The following MAMSTR variants were observed in gnomAD, a reference collection of about 807,000 sequenced individuals.
MAMSTR encodes the protein MEF2 activating motif and SAP domain containing transcriptional regulator.
A neutral mutation model predicts 42.7 loss-of-function variants in MAMSTR; 41 were observed. That is an observed-to-expected ratio of 0.96 (90% CI 0.75 to 1.25). The LOEUF is 1.25. MAMSTR is among the 50% of genes most tolerant of loss of function. The pLI, the probability that MAMSTR is intolerant of heterozygous loss-of-function variation, is 0.00. For missense variants in MAMSTR, 567 were observed against 557.6 expected, an observed-to-expected ratio of 1.02 and a Z score of -0.17; for synonymous variants, 265 against 244.1, an observed-to-expected ratio of 1.09 and a Z score of -0.80.
At chr19:48,714,263 T>A (rs281387) in intron 7 of MAMSTR, 103 bp downstream of exon 7, 2 of 1,065,630 alleles carry the variant, frequency 1.9e-6, no homozygotes, top group Admixed American at 3.7e-5. Context: ...TTCCTACCGC[T>A]GGTCCTCGCC....
At chr19:48,707,883 G>GAAAGAAAGA (rs1555755213), downstream of MAMSTR, among the ~76,000 whole-genome samples, 20 of 106,108 alleles carry the variant, frequency 1.9e-4, no homozygotes, top group South Asian at 4.1e-3. Context: ...AAGAAAGAAA[G>GAAAGAAAGA]AAAGAAAAGA....
chr19:48,718,007 A>AT (rs1277379856), intron 2 of MAMSTR, among the ~76,000 whole-genome samples: 3 of 152,000 alleles, frequency 2.0e-5, no homozygotes, highest in South Asian at 2.1e-4. Context: ...GCCCGGCGTC[A>AT]TTTTTTTGTA....
chr19:48,715,000 T>C, intron 5 of MAMSTR, 92 bp from the exon 6 acceptor site: 1 of 852,072 alleles, frequency 1.2e-6, no homozygotes. Flanking sequence ...CTGGGGAAGA[T>C]GCAGAAAAGT....
At position 48,713,038 on chromosome 19, in the gene MAMSTR, A is replaced by G. The variant is rs763864096; in HGVS notation, c.*229T>C. ...CAGCTTGTTTGCCGTGGCCAGCAGC[A>G]AAAGAAGCCCCCCAACCATACCACG... On this transcript the variant is annotated 3_prime_UTR_variant, in exon 10 of 10. Transcript: ENST00000318083. 237 of 476,534 alleles carry G rather than the reference A, an allele frequency of 5.0e-4. No individual in the cohort carries two copies. Among genetic ancestry groups the G allele is most frequent in the Admixed American group, 6.9e-4 (17 of 24,732 alleles). 29.5% of individuals were successfully genotyped at this position (476,534 alleles called of 1,614,324 possible).
At chr19:48,709,327 T>C (rs2032693730), downstream of MAMSTR, among the ~76,000 whole-genome samples, 1 of 152,114 alleles carries the variant, frequency 6.6e-6, no homozygotes, top group Non-Finnish European at 1.5e-5. Flanking sequence ...TTTGTATTTT[T>C]AGTAGAGGCG....
At chr19:48,714,080 A>T (rs1436572761) in intron 7 of MAMSTR, 35 bp from the exon 8 acceptor site, 8 of 1,529,930 alleles carry the variant, frequency 5.2e-6, no homozygotes, top group African/African-American at 2.8e-5. Flanking sequence ...CCCATAAGCC[A>T]TGCCCACAGG....
chr19:48,710,960 T>G (rs1002001218), downstream of MAMSTR, among the ~76,000 whole-genome samples: 1 of 152,206 alleles, frequency 6.6e-6, no homozygotes, highest in Non-Finnish European at 1.5e-5. Flanking sequence ...GCCCTTGGGC[T>G]GGAGGTTCCT....
chr19:48,714,131 G>A, intron 7 of MAMSTR, 86 bp from the exon 8 acceptor site: 1 of 1,390,770 alleles, frequency 7.2e-7, no homozygotes, highest in Non-Finnish European at 9.6e-7. Flanking sequence ...TCCACCCCTT[G>A]ATCCTCTCGC....
At chr19:48,711,739 GTTTTTT>G (rs34890088), downstream of MAMSTR, among the ~76,000 whole-genome samples, 5 of 76,250 alleles carry the variant, frequency 6.6e-5, no homozygotes, top group Admixed American at 2.1e-4. Context: ...TACCTGGCTA[GTTTTTT>G]TTTTTTTTTT....
intron 3 of MAMSTR, 88 bp downstream of exon 3, chr19:48,716,617 A>C: frequency 7.9e-7 from 1 of 1,273,482 alleles, no homozygotes; most frequent in Non-Finnish European, 1.0e-6. Context: ...TGCAGGAACC[A>C]ATGAGGGGTA....
downstream of MAMSTR, among the ~76,000 whole-genome samples, chr19:48,711,068 C>A (rs1426890947): frequency 6.6e-6 from 1 of 152,154 alleles, no homozygotes; most frequent in African/African-American, 2.4e-5. Context: ...CCCTAGTGAG[C>A]ATGTCCCTGA....
chr19:48,706,240 T>A, the MAMSTR span, among the ~76,000 whole-genome samples: 2 of 147,542 alleles, frequency 1.4e-5, no homozygotes, highest in South Asian at 4.4e-4. Context: ...TGAGCCAGGA[T>A]CACACCATTG....
rs144156512 is a variant in MAMSTR, at chr19:48,714,898, A to G, written c.436T>C (p.Ser146Pro). The change falls in exon 6 of 10, where the codon TCT becomes CCT. Residue 146 changes from serine (S) to proline (P), a missense_variant. Transcript: ENST00000318083. ...CCTGGTGGGCAGGGAGTGAGGGGAG[A>G]GGGCTTCATCCTGGTGATAATCGTG... The part of the protein sequence containing the change: ...SQQPHPRMKP[S>P]PLTPCPPGVP... 1.7e-4 allele frequency: 269 copies of G among 1,603,806 alleles called. 1 individual carries two copies. In the Middle Eastern group the frequency reaches 2.7e-3, roughly 16 times the overall value.
downstream of MAMSTR, among the ~76,000 whole-genome samples, chr19:48,711,594 A>C: frequency 7.2e-6 from 1 of 139,318 alleles, no homozygotes; most frequent in African/African-American, 2.9e-5. Flanking sequence ...TTGTTTTGAG[A>C]TGGAGTAGCA....
At chr19:48,713,640 G>A in intron 9 of MAMSTR, 76 bp downstream of exon 9, 2 of 1,605,902 alleles carry the variant, frequency 1.2e-6, no homozygotes, top group Admixed American at 1.7e-5. Context: ...CAGCTCCCCA[G>A]CTCACGCCTC....
intron 5 of MAMSTR, 21 bp downstream of exon 5, chr19:48,715,241 G>T: frequency 1.3e-6 from 2 of 1,565,206 alleles, no homozygotes; most frequent in Non-Finnish European, 1.7e-6. Flanking sequence ...GGTCCCGGGA[G>T]AACAGAAGTG....
At chr19:48,708,778 G>C (rs79104243), downstream of MAMSTR, among the ~76,000 whole-genome samples, 3,030 of 152,206 alleles carry the variant, frequency 0.02, 93 homozygotes, top group African/African-American at 0.067. Context: ...AAAGACGAGT[G>C]CCCGAGACAC....
Position 48,719,213 on chromosome 19 carries a change from G to GA in MAMSTR, c.-21-162_-21-161insT, listed in dbSNP as rs1372075040. Among the ~76,000 whole-genome samples the GA allele has an allele frequency of 3.3e-5, 5 of 152,198 alleles. 1 individual carries two copies. Among genetic ancestry groups the GA allele is most frequent in the Middle Eastern group, 3.4e-3 (1 of 290 alleles). The stretch of plus-strand genomic sequence containing the variant: ...ACTTCCGGATCCCAGGGGCTGTAGA[G>GA]GAGGGGGCTGCACACCCGGACACCT... On this transcript the variant is annotated intron_variant, in intron 1 of 9. Transcript: ENST00000318083. This position sits in a 1 kb window ranked among gnomAD's most constrained non-coding sequence, Gnocchi z 4.4.
At chr19:48,707,650 A>T in the MAMSTR span, among the ~76,000 whole-genome samples, 1,758 of 151,748 alleles carry the variant, frequency 0.012, 31 homozygotes, top group African/African-American at 0.033. Context: ...CTGAGTCAGT[A>T]GAATCACTTG....
Sources: gnomAD v4.1 joint callset for allele counts (sites outside exome capture counted in the v4.1 genomes callset) on GRCh38, gnomAD v4.1.1 for gene constraint, Gnocchi (gnomAD v3.1) non-coding constraint, MANE v1.5 for transcripts, NCBI Gene and HGNC (gene_info 2026-07-23, HGNC 2026-07-21) for gene names.